CNTN5: variants seen among roughly 807,000 people sequenced by gnomAD.
CNTN5 encodes the protein contactin-5.
In CNTN5, 77 loss-of-function variants were observed where a neutral mutation model predicts 129.1. The ratio of observed to expected loss-of-function variants is 0.60; its 90% CI spans 0.50 to 0.72. The LOEUF is 0.72. CNTN5 is among the 30% of genes least tolerant of loss of function. CNTN5 has a pLI of 0.00. For missense variants in CNTN5, 1,478 were observed against 1,328.8 expected (o/e 1.11, Z -1.75); for synonymous variants, 509 against 465.6 (o/e 1.09, Z -1.20).
At chr11:100,350,566 A>T in intron 23 of CNTN5, 136 bp from the exon 24 acceptor site, 1 of 579,638 alleles carries the variant, frequency 1.7e-6, no homozygotes, top group Non-Finnish European at 3.0e-6. Context: ...TAGACTGCAC[A>T]TGTATTACAT....
chr11:100,111,501 G>A (rs1236770907), intron 13 of CNTN5, among the ~76,000 whole-genome samples: 1 of 152,146 alleles, frequency 6.6e-6, no homozygotes, highest in East Asian at 1.9e-4. Flanking sequence ...TAGTTCAAGC[G>A]AGGTTAATAT....
At chr11:100,037,486 A>G (rs1189499321) in intron 9 of CNTN5, among the ~76,000 whole-genome samples, 2 of 151,384 alleles carry the variant, frequency 1.3e-5, no homozygotes, top group African/African-American at 2.4e-5. Flanking sequence ...GCCTCATAAA[A>G]TGAGTTAGGG....
At chr11:100,181,344 AT>A (rs951471997) in intron 13 of CNTN5, among the ~76,000 whole-genome samples, 1 of 152,022 alleles carries the variant, frequency 6.6e-6, no homozygotes, top group Non-Finnish European at 1.5e-5. Context: ...CTAATCTAAG[AT>A]TTTTTTGAAA....
chr11:100,000,740 A>G (rs1025630210), intron 8 of CNTN5, among the ~76,000 whole-genome samples: 1 of 152,196 alleles, frequency 6.6e-6, no homozygotes, highest in Non-Finnish European at 1.5e-5. Flanking sequence ...TTCTGCCTGG[A>G]CATCTAGGTG....
At chr11:99,793,987 T>A (rs75567470) in intron 3 of CNTN5, among the ~76,000 whole-genome samples, 5,327 of 152,276 alleles carry the variant, frequency 0.035, 139 homozygotes, top group South Asian at 0.097. Flanking sequence ...TCTGCCTCGA[T>A]GATCTGTCTA....
At chr11:99,934,524 A>G (rs201931999) in intron 7 of CNTN5, among the ~76,000 whole-genome samples, 1 of 152,102 alleles carries the variant, frequency 6.6e-6, no homozygotes, top group African/African-American at 2.4e-5. Context: ...CGTATCCCCC[A>G]CCACCTCCAT....
chr11:99,525,347 A>G (rs1044473741), intron 2 of CNTN5, among the ~76,000 whole-genome samples: 3 of 152,212 alleles, frequency 2.0e-5, no homozygotes, highest in Non-Finnish European at 4.4e-5. Flanking sequence ...AGGTGCTGCT[A>G]TATCTTTAGA....
chr11:100,100,778 ATATACT>A (rs1179959636), intron 13 of CNTN5, among the ~76,000 whole-genome samples: 2 of 152,144 alleles, frequency 1.3e-5, no homozygotes, highest in African/African-American at 4.8e-5. Context: ...TGGTTAGCAG[ATATACT>A]TATAAGACTT....
At chr11:100,342,261 C>G (rs1245476765) in intron 23 of CNTN5, among the ~76,000 whole-genome samples, 1 of 151,150 alleles carries the variant, frequency 6.6e-6, no homozygotes, top group Non-Finnish European at 1.5e-5. Context: ...TATACCATTC[C>G]CTTACTCCTC....
chr11:99,174,238 A>T (rs1857668887), intron 1 of CNTN5, among the ~76,000 whole-genome samples: 1 of 152,198 alleles, frequency 6.6e-6, no homozygotes, highest in South Asian at 2.1e-4. Flanking sequence ...ACCTCAAGTG[A>T]TCTGCTTGCC....
chr11:99,189,587 G>A (rs575551359), intron 1 of CNTN5, among the ~76,000 whole-genome samples: 140 of 151,730 alleles, frequency 9.2e-4, no homozygotes, highest in African/African-American at 3.3e-3. Flanking sequence ...TCTGTTGAGT[G>A]TTAAGTGACG....
intron 1 of CNTN5, among the ~76,000 whole-genome samples, chr11:99,122,570 G>T (rs1037773053): frequency 1.3e-5 from 2 of 151,786 alleles, no homozygotes; most frequent in Non-Finnish European, 2.9e-5. Context: ...TAGGTTTAGG[G>T]GTACATGTAC....
intron 1 of CNTN5, among the ~76,000 whole-genome samples, chr11:99,108,142 T>A (rs1857608861): frequency 6.6e-6 from 1 of 152,102 alleles, no homozygotes; most frequent in Non-Finnish European, 1.5e-5. Flanking sequence ...GAAGGGAGGA[T>A]AGCTGCAAAG....
chr11:99,228,939 C>G (rs1860836212), intron 1 of CNTN5, among the ~76,000 whole-genome samples: 1 of 151,544 alleles, frequency 6.6e-6, no homozygotes, highest in African/African-American at 2.4e-5. Context: ...GATTGTTTTG[C>G]CTTTATATTT....
At chr11:100,009,980 C>T (rs1220248969) in intron 9 of CNTN5, among the ~76,000 whole-genome samples, 1 of 152,052 alleles carries the variant, frequency 6.6e-6, no homozygotes, top group Non-Finnish European at 1.5e-5. Context: ...ACTTTTCTTG[C>T]TCAGCATTCA....
chr11:99,338,919 GATATATATATATAT>G (rs10534485), intron 2 of CNTN5, among the ~76,000 whole-genome samples: 3 of 126,962 alleles, frequency 2.4e-5, no homozygotes, highest in East Asian at 2.3e-4. Context: ...TTCATTCACA[GATATATATATATAT>G]ATATATATAT....
intron 22 of CNTN5, 73 bp downstream of exon 22, chr11:100,340,722 A>T: frequency 7.6e-7 from 1 of 1,320,212 alleles, no homozygotes; most frequent in Non-Finnish European, 1.0e-6. Context: ...AAGCCACGTG[A>T]GGTGCATAAT....
chr11:100,191,385 A>AACTAAAAT, intron 14 of CNTN5, 132 bp downstream of exon 14: 1 of 652,328 alleles, frequency 1.5e-6, no homozygotes, highest in Non-Finnish European at 2.2e-6. Flanking sequence ...ATACATTGCA[A>AACTAAAAT]ACATAGAACT....
chr11:99,429,179 T>C (rs1943260419), intron 2 of CNTN5, among the ~76,000 whole-genome samples: 1 of 149,798 alleles, frequency 6.7e-6, no homozygotes. Context: ...GCTTAAGTCA[T>C]GTGAACTTGA....
Sources: allele counts gnomAD v4.1 joint callset (sites outside exome capture counted in the v4.1 genomes callset), GRCh38; gene constraint gnomAD v4.1.1; transcripts MANE v1.5; gene names NCBI Gene and HGNC (gene_info 2026-07-23, HGNC 2026-07-21).